Variants in BANP observed in about 807,000 individuals in gnomAD.
The protein encoded by BANP is BTG3 associated nuclear protein, also known as protein BANP.
In BANP, 11 loss-of-function variants were observed where a neutral mutation model predicts 68.1. The ratio of observed to expected loss-of-function variants is 0.16; its 90% CI spans 0.10 to 0.27. BANP has a LOEUF of 0.27. Ranked by LOEUF, BANP falls within the 10% of genes least tolerant of loss-of-function variation. BANP has a pLI of 1.00. For missense variants in BANP, 504 were observed against 722.7 expected (o/e 0.70, Z 3.47); for synonymous variants, 329 against 303.2 (o/e 1.09, Z -0.88).
chr16:88,054,207 T>C (rs1434842966), intron 11 of BANP, among the ~76,000 whole-genome samples: 2 of 82,424 alleles, frequency 2.4e-5, no homozygotes, highest in African/African-American at 4.1e-5. Context: ...CCCTAACGAC[T>C]ACCACCCCCA....
At chr16:88,046,236 G>A (rs753283997) in intron 11 of BANP, among the ~76,000 whole-genome samples, 19 of 152,256 alleles carry the variant, frequency 1.2e-4, no homozygotes, top group Non-Finnish European at 2.4e-4. Context: ...GTGAATGTGT[G>A]TGTGTGTGTG....
intron 10 of BANP, among the ~76,000 whole-genome samples, chr16:88,035,638 T>C (rs2079155665): frequency 6.6e-6 from 1 of 151,894 alleles, no homozygotes; most frequent in East Asian, 2.0e-4. Context: ...ATCTCCTGGG[T>C]AGATGTTTCT....
At chr16:87,949,838 G>A (rs2056632972), upstream of BANP, 1 of 151,922 alleles carries the variant, frequency 6.6e-6, no homozygotes, top group African/African-American at 2.4e-5. Context: ...GAGTTGGGCA[G>A]GAAATTCAAG....
At chr16:87,956,248 C>G (rs2083267414) in intron 1 of BANP, among the ~76,000 whole-genome samples, 1 of 152,222 alleles carries the variant, frequency 6.6e-6, no homozygotes, top group Admixed American at 6.5e-5. Flanking sequence ...CCACTGCAAT[C>G]TAGAGAAACT....
chr16:88,025,830 G>A (rs1400233030), intron 7 of BANP, among the ~76,000 whole-genome samples: 1 of 152,188 alleles, frequency 6.6e-6, no homozygotes, highest in Non-Finnish European at 1.5e-5. Flanking sequence ...TAGTTGAAAC[G>A]GGACACTTTT....
chr16:88,044,904 C>T, intron 11 of BANP, among the ~76,000 whole-genome samples: 1 of 152,128 alleles, frequency 6.6e-6, no homozygotes, highest in East Asian at 1.9e-4. Flanking sequence ...ATGGCTTGAA[C>T]CCTGGAGGCG....
At chr16:88,029,528 G>A (rs542909758) in intron 8 of BANP, among the ~76,000 whole-genome samples, 3 of 150,914 alleles carry the variant, frequency 2.0e-5, no homozygotes, top group Non-Finnish European at 2.9e-5. Context: ...GGAGAATGGC[G>A]TGAACCTGGG....
intron 8 of BANP, among the ~76,000 whole-genome samples, chr16:88,029,047 C>G (rs1598615517): frequency 6.6e-6 from 1 of 152,276 alleles, no homozygotes. Context: ...TGGCTCATGC[C>G]TGTAATCCCA....
At chr16:87,998,808 T>C (rs1471202412) in intron 4 of BANP, among the ~76,000 whole-genome samples, 1 of 138,706 alleles carries the variant, frequency 7.2e-6, no homozygotes, top group Admixed American at 7.2e-5. Context: ...TTACCTGTCC[T>C]TCCAGACACG....
intron 1 of BANP, among the ~76,000 whole-genome samples, chr16:87,960,943 G>A (rs1022087079): frequency 8.5e-5 from 13 of 152,206 alleles, no homozygotes; most frequent in Non-Finnish European, 1.9e-4. Flanking sequence ...CTTTGCCACC[G>A]TGAGCCCGAG....
chr16:88,075,593 C>T (rs2091430022), intron 13 of BANP, among the ~76,000 whole-genome samples: 1 of 152,204 alleles, frequency 6.6e-6, no homozygotes, highest in South Asian at 2.1e-4. Context: ...GTGGCTTCTC[C>T]TGGCTCTTCC....
At chr16:88,032,276 A>T (rs926081390) in intron 8 of BANP, among the ~76,000 whole-genome samples, 5 of 150,086 alleles carry the variant, frequency 3.3e-5, no homozygotes, top group African/African-American at 1.2e-4. Context: ...ATTTCGACTC[A>T]TTACAACCTC....
At position 87,957,142 on chromosome 16, in the gene BANP, G is replaced by A. The variant is rs1208179413; in HGVS notation, c.-69+5627G>A. On this transcript the variant is annotated intron_variant, in intron 1 of 13. Transcript: ENST00000682872. This position sits in a 1 kb window ranked among gnomAD's most constrained non-coding sequence, Gnocchi z 4.3. ...TTTGATTAAACATTCTGGATCGTCA[G>A]CGTTCACGGTGGAGCAGACTCCACG... 6.6e-6 allele frequency: 1 copy of A among 152,236 alleles called. No individual in the cohort carries two copies. Among genetic ancestry groups the A allele is most frequent in the Non-Finnish European group, 1.5e-5 (1 of 68,062 alleles). The allele number at this position is 152,236 out of a possible 1,614,324, so 9.4% of individuals were successfully genotyped here.
intron 11 of BANP, among the ~76,000 whole-genome samples, chr16:88,054,316 T>A (rs1427219905): frequency 1.2e-5 from 1 of 81,922 alleles, no homozygotes; most frequent in Admixed American, 1.2e-4. Context: ...CACAACCACC[T>A]TCACCACTGT....
intron 1 of BANP, among the ~76,000 whole-genome samples, chr16:87,961,809 G>A (rs1006555283): frequency 2.6e-5 from 4 of 152,084 alleles, no homozygotes; most frequent in South Asian, 2.1e-4. Context: ...GGCTCTCCTC[G>A]TGGTGGGTTA....
chr16:88,071,855 C>G lies in BANP; in HGVS notation c.1378-214C>G, dbSNP rs181595867. On this transcript the variant is annotated intron_variant, in intron 12 of 13. Coordinates refer to ENST00000682872, the MANE Select transcript of BANP (RefSeq NM_001386991.1). This position sits in a 1 kb window ranked among gnomAD's most constrained non-coding sequence, Gnocchi z 6.5. The stretch of plus-strand genomic sequence containing the variant: ...GGCGGAGTTGCAGATCCAGCAGAGA[C>G]TCGATGGCACTCTCTCACTGGATCT... The G allele has an allele frequency of 2.7e-4, 192 of 714,564 alleles. 1 individual carries two copies. Among genetic ancestry groups the G allele is most frequent in the East Asian group, 2.7e-3 (99 of 37,068 alleles). 44.3% of individuals were successfully genotyped at this position (714,564 alleles called of 1,614,324 possible).
intron 7 of BANP, among the ~76,000 whole-genome samples, chr16:88,023,909 G>T (rs1250654068): frequency 1.3e-5 from 2 of 152,238 alleles, no homozygotes; most frequent in Admixed American, 1.3e-4. Flanking sequence ...GAGGGGCCTC[G>T]GTTGGTGTAG....
At chr16:87,989,598 G>A (rs902051231) in intron 4 of BANP, among the ~76,000 whole-genome samples, 1 of 146,544 alleles carries the variant, frequency 6.8e-6, no homozygotes, top group African/African-American at 2.5e-5. Flanking sequence ...CGGGTGACGG[G>A]GGATGCAGGC....
intron 11 of BANP, among the ~76,000 whole-genome samples, chr16:88,049,845 T>C (rs958993387): frequency 6.6e-6 from 1 of 152,216 alleles, no homozygotes; most frequent in African/African-American, 2.4e-5. Flanking sequence ...ACATCTCTAA[T>C]GCGTTTCAGT....
Sources: allele counts gnomAD v4.1 joint callset (sites outside exome capture counted in the v4.1 genomes callset), GRCh38; gene constraint gnomAD v4.1.1; non-coding constraint Gnocchi (gnomAD v3.1); transcripts MANE v1.5; gene names NCBI Gene and HGNC (gene_info 2026-07-23, HGNC 2026-07-21).